GIN1: variants seen among roughly 807,000 people sequenced by gnomAD.
GIN1 encodes the protein gypsy retrotransposon integrase-like protein 1.
Under a neutral mutation model 51.4 loss-of-function variants are expected in GIN1, and 41 were observed. That is an observed-to-expected ratio of 0.80 (90% CI 0.62 to 1.04). The LOEUF is 1.04. Among genes scored for constraint, GIN1 ranks in the 50% least tolerant of loss-of-function variants. The probability of loss-of-function intolerance (pLI) is 0.00; values close to 1 mark genes in which losing one functional copy is unlikely to be tolerated. For missense variants in GIN1, 610 were observed against 612.4 expected, an observed-to-expected ratio of 1.00 and a Z score of 0.04; for synonymous variants, 222 against 206.5, an observed-to-expected ratio of 1.07 and a Z score of -0.64.
chr5:103,093,228 A>C (rs1478210134), intron 7 of GIN1, among the ~76,000 whole-genome samples: 1 of 152,290 alleles, frequency 6.6e-6, no homozygotes, highest in Admixed American at 6.5e-5. Flanking sequence ...TAAGGTTGCT[A>C]ATCAGATGAC....
At chr5:103,119,262 A>G (rs782044518) in intron 1 of GIN1, among the ~76,000 whole-genome samples, 1 of 152,186 alleles carries the variant, frequency 6.6e-6, no homozygotes, top group Non-Finnish European at 1.5e-5. Flanking sequence ...AAAATCTGCA[A>G]TTTTCAATCA....
intron 1 of GIN1, among the ~76,000 whole-genome samples, chr5:103,115,048 A>G (rs1305098882): frequency 3.3e-5 from 5 of 152,178 alleles, no homozygotes; most frequent in African/African-American, 9.7e-5. Flanking sequence ...GCTTAGCTAT[A>G]AAGGCAAGGA....
intron 3 of GIN1, among the ~76,000 whole-genome samples, chr5:103,105,786 A>C (rs1482333211): frequency 6.6e-6 from 1 of 152,208 alleles, no homozygotes; most frequent in Non-Finnish European, 1.5e-5. Context: ...CAAAATTTTC[A>C]CTTTCCAATT....
At chr5:103,091,817 G>A (rs1273544193) in intron 7 of GIN1, among the ~76,000 whole-genome samples, 1 of 152,018 alleles carries the variant, frequency 6.6e-6, no homozygotes, top group Non-Finnish European at 1.5e-5. Context: ...TTGATGTCAG[G>A]AGTTTGAGAC....
At chr5:103,112,024 T>C (rs1439406683) in intron 1 of GIN1, among the ~76,000 whole-genome samples, 1 of 151,756 alleles carries the variant, frequency 6.6e-6, no homozygotes. Context: ...TGAAAGTAGA[T>C]CGAAATAGAG....
chr5:103,111,390 G>C (rs1407958339), intron 1 of GIN1, among the ~76,000 whole-genome samples: 2 of 151,962 alleles, frequency 1.3e-5, no homozygotes, highest in African/African-American at 4.8e-5. Flanking sequence ...ATAGTTTTTG[G>C]AACTATCAAT....
intron 7 of GIN1, among the ~76,000 whole-genome samples, 200 bp downstream of exon 7, chr5:103,096,340 CA>C (rs782447122): frequency 6.1e-5 from 9 of 148,108 alleles, no homozygotes; most frequent in Admixed American, 6.7e-5. Flanking sequence ...AACTCTGTCT[CA>C]AAAAAAAAAT....
intron 1 of GIN1, among the ~76,000 whole-genome samples, chr5:103,113,209 G>A (rs781888667): frequency 3.9e-5 from 6 of 152,100 alleles, no homozygotes; most frequent in Admixed American, 6.6e-5. Flanking sequence ...CACTTAACTC[G>A]AAATACATCT....
chr5:103,112,112 C>G (rs1562336072), intron 1 of GIN1, among the ~76,000 whole-genome samples: 2 of 152,064 alleles, frequency 1.3e-5, no homozygotes, highest in South Asian at 2.1e-4. Context: ...TCTTTGGAGA[C>G]TGAGCTCTTT....
In GIN1 at chr5:103,087,825, A is replaced by G. The variant is rs1787116260; in HGVS notation, c.*73T>C. On this transcript the variant is annotated 3_prime_UTR_variant, in exon 8 of 8. Transcript: ENST00000399004. ...TGTGTCAAGATACTTCTTCTATACAACGTTTTTAATGAATAAGATATCATT... is the reference window on the plus strand; with the variant it reads ...TGTGTCAAGATACTTCTTCTATACAGCGTTTTTAATGAATAAGATATCATT... 6 of 635,148 alleles carry G rather than the reference A, an allele frequency of 9.4e-6. No individual in the cohort carries two copies. The South Asian group carries it at 1.3e-4, about 14-fold the overall frequency. 39.3% of individuals were successfully genotyped at this position (635,148 alleles called of 1,614,324 possible). A position where few individuals can be genotyped will look rare whatever the true frequency, so the allele number is the denominator to read the frequency against.
chr5:103,117,577 A>AAG (rs1469323263), intron 1 of GIN1, among the ~76,000 whole-genome samples: 2 of 86,150 alleles, frequency 2.3e-5, no homozygotes, highest in Non-Finnish European at 3.1e-5. Context: ...TGAAGAAAAA[A>AAG]ATATACACAC....
In GIN1 at chr5:103,087,717, T is replaced by G; in HGVS notation, c.*181A>C. The G allele has an allele frequency of 2.5e-6, 1 of 401,778 alleles. No individual in the cohort carries two copies. The allele number at this position is 401,778 out of a possible 1,614,324, so 24.9% of individuals were successfully genotyped here. On this transcript the variant is annotated 3_prime_UTR_variant, in exon 8 of 8. Transcript: ENST00000399004. Reference sequence around the variant, plus strand: ...ATATTACATGCTTCCTTTGCCTTCATATGTACGTATACTGATATTCAAATG... The same window carrying G: ...ATATTACATGCTTCCTTTGCCTTCAGATGTACGTATACTGATATTCAAATG...
At chr5:103,102,320 C>T (rs2151469266) in intron 4 of GIN1, 1 of 152,240 alleles carries the variant, frequency 6.6e-6, no homozygotes, top group African/African-American at 2.4e-5. Flanking sequence ...TCATTTAAAC[C>T]ATTGTTACCA....
intron 7 of GIN1, among the ~76,000 whole-genome samples, chr5:103,088,858 T>C (rs1208108474): frequency 6.6e-6 from 1 of 152,198 alleles, no homozygotes; most frequent in Non-Finnish European, 1.5e-5. Context: ...AAAGCATTTC[T>C]GGGTGAATTA....
At chr5:103,091,819 G>A (rs1787246263) in intron 7 of GIN1, among the ~76,000 whole-genome samples, 1 of 152,004 alleles carries the variant, frequency 6.6e-6, no homozygotes, top group Non-Finnish European at 1.5e-5. Flanking sequence ...GATGTCAGGA[G>A]TTTGAGACCA....
intron 1 of GIN1, among the ~76,000 whole-genome samples, chr5:103,111,942 A>C (rs34770): frequency 0.23 from 35,608 of 152,032 alleles, 5,008 homozygotes; most frequent in East Asian, 0.45. Flanking sequence ...ATAAATATAC[A>C]AAAACTTCTC....
At chr5:103,098,597 T>C (rs1334536328) in intron 4 of GIN1, among the ~76,000 whole-genome samples, 1 of 152,142 alleles carries the variant, frequency 6.6e-6, no homozygotes, top group Admixed American at 6.6e-5. Context: ...CAGCTTGGAC[T>C]ACAGGCATGT....
chr5:103,096,518 G>A (rs782801620), intron 7 of GIN1, 23 bp downstream of exon 7: 3 of 1,532,748 alleles, frequency 2.0e-6, no homozygotes, highest in Non-Finnish European at 2.7e-6. Context: ...CAATAAAAAT[G>A]TAGAGAAGTG....
At chr5:103,097,276 A>G (rs781906407) in intron 6 of GIN1, 38 bp downstream of exon 6, 3 of 1,244,938 alleles carry the variant, frequency 2.4e-6, no homozygotes, top group Non-Finnish European at 3.5e-6. Flanking sequence ...AACTTTTATA[A>G]AGTTTTAGAT....
Sources: allele counts gnomAD v4.1 joint callset (sites outside exome capture counted in the v4.1 genomes callset), GRCh38; gene constraint gnomAD v4.1.1; transcripts MANE v1.5; gene names NCBI Gene and HGNC (gene_info 2026-07-23, HGNC 2026-07-21).